The following CCDC57 variants were observed in gnomAD, a reference collection of about 807,000 sequenced individuals.
The protein encoded by CCDC57 is coiled-coil domain-containing protein 57.
In CCDC57, 118 loss-of-function variants were observed where a neutral mutation model predicts 118.9. The observed-to-expected ratio is 0.99, with a 90% CI of 0.86 to 1.16. CCDC57 has a LOEUF of 1.16. Ranked by LOEUF, CCDC57 falls within the 50% of genes most tolerant of loss-of-function variation. CCDC57 has a pLI of 0.00. For missense variants in CCDC57, 1,300 were observed against 1,320.7 expected (o/e 0.98, Z 0.24); for synonymous variants, 527 against 532.9 (o/e 0.99, Z 0.15).
At chr17:82,188,154 C>T (rs2047204859) in intron 8 of CCDC57, 65 bp downstream of exon 7, 2 of 1,411,022 alleles carry the variant, frequency 1.4e-6, no homozygotes, top group African/African-American at 1.4e-5. Context: ...ACCAGTGGGC[C>T]CAGGTCAGCA....
chr17:82,153,292 A>C (rs1259137083), intron 15 of CCDC57: 6 of 152,276 alleles, frequency 3.9e-5, no homozygotes, highest in Non-Finnish European at 8.8e-5. Context: ...TGGATCCTCT[A>C]CAGGAACACA....
At chr17:82,131,853 T>C (rs1002983707) in intron 17 of CCDC57, among the ~76,000 whole-genome samples, 4 of 151,842 alleles carry the variant, frequency 2.6e-5, no homozygotes, top group Non-Finnish European at 5.9e-5. Flanking sequence ...TTATTTCTTA[T>C]GCCTGTAATC....
In CCDC57 at chr17:82,131,416, G is replaced by A. The variant is rs1197799368; in HGVS notation, c.2577+2657C>T. Among the ~76,000 whole-genome samples, 3 of 151,674 alleles carry A rather than the reference G, an allele frequency of 2.0e-5. No homozygotes were observed. In the South Asian group the frequency reaches 6.2e-4, roughly 32 times the overall value. On this transcript the variant is annotated intron_variant, in intron 17 of 19. Transcript: ENST00000665763. ...ACTGCAGTCTAGCCTGGGCGACAAA[G>A]TGAGACTCCATCTCATAATGAATAA... is the stretch of plus-strand genomic sequence containing the variant.
intron 16 of CCDC57, among the ~76,000 whole-genome samples, chr17:82,149,442 C>T (rs1395239355): frequency 6.6e-6 from 1 of 152,088 alleles, no homozygotes; most frequent in Non-Finnish European, 1.5e-5. Context: ...GCCCAGCCTC[C>T]ACCTCAGTCA....
intron 16 of CCDC57, 109 bp downstream of exon 15, chr17:82,151,451 G>T (rs2042056554): frequency 1.1e-6 from 1 of 919,922 alleles, no homozygotes; most frequent in Non-Finnish European, 1.6e-6. Context: ...AGAACCTGGT[G>T]CACCCCCAGA....
chr17:82,172,596 C>A lies in CCDC57; in HGVS notation c.1729+42G>T, dbSNP rs369429720. On this transcript the variant is annotated intron_variant, in intron 12 of 19. Transcript: ENST00000665763. The surrounding 1 kb of genome is among the most constrained non-coding windows in gnomAD (Gnocchi z 5.2). ...CCGTCTGTCCTCCTCCCTCCCTCTCCCCCTTCCTCTCCCGCTCTGTCCGTT... is the reference window on the plus strand; with the variant it reads ...CCGTCTGTCCTCCTCCCTCCCTCTCACCCTTCCTCTCCCGCTCTGTCCGTT... 169 of 1,512,788 alleles carry A rather than the reference C, an allele frequency of 1.1e-4. 1 individual carries two copies. The highest frequency in any genetic ancestry group is 1.4e-4 in the Non-Finnish European group (155 of 1,113,788). The allele number at this position is 1,512,788 out of a possible 1,614,324, so 93.7% of individuals were successfully genotyped here.
rs1364959475 is a variant in CCDC57 at position 82,192,776 on chromosome 17, G to C, written c.851+980C>G. The stretch of plus-strand genomic sequence containing the variant: ...GAAAGCAGCTTCCCACTGCAGATCT[G>C]ATTAGAAACAGCACAGACAGTGTCC... On this transcript the variant is annotated intron_variant, in intron 7 of 19. Coordinates refer to ENST00000665763, the Ensembl canonical transcript of CCDC57. This position sits in a 1 kb window ranked among gnomAD's most constrained non-coding sequence, Gnocchi z 4.0. 1.3e-5 allele frequency among the ~76,000 whole-genome samples: 2 copies of C among 152,226 alleles called. No individual in the cohort carries two copies. Among genetic ancestry groups the C allele is most frequent in the Non-Finnish European group, 2.9e-5 (2 of 68,046 alleles).
chr17:82,109,531 A>G (rs114205285), intron 19 of CCDC57, among the ~76,000 whole-genome samples: 1,546 of 152,358 alleles, frequency 0.01, 24 homozygotes, highest in African/African-American at 0.036. Flanking sequence ...TAAACTGACT[A>G]ATGAAAAAGA....
chr17:82,183,730 C>CTATG (rs1455927215), intron 9 of CCDC57, 44 bp downstream of exon 8: 1 of 1,538,326 alleles, frequency 6.5e-7, no homozygotes, highest in African/African-American at 1.4e-5. Flanking sequence ...CAGCACCTGC[C>CTATG]CATAGGAGAC....
intron 13 of CCDC57, among the ~76,000 whole-genome samples, chr17:82,165,393 G>A (rs4789737): frequency 0.47 from 70,959 of 151,700 alleles, 17,406 homozygotes; most frequent in East Asian, 0.88. Context: ...GTGTCTAGGG[G>A]CCTCGGATCC....
chr17:82,126,413 T>C, intron 19 of CCDC57: 1 of 983,202 alleles, frequency 1.0e-6, no homozygotes, highest in Non-Finnish European at 1.2e-6. Context: ...AACATTTAAA[T>C]TGTTGTCACC....
At chr17:82,179,994 A>G (rs911623426) in intron 9 of CCDC57, among the ~76,000 whole-genome samples, 1 of 152,118 alleles carries the variant, frequency 6.6e-6, no homozygotes, top group African/African-American at 2.4e-5. Flanking sequence ...GTGACGGGGG[A>G]GAGGTCCCTC....
At chr17:82,205,014 A>G (rs936366641) in intron 2 of CCDC57, among the ~76,000 whole-genome samples, 2 of 152,214 alleles carry the variant, frequency 1.3e-5, no homozygotes, top group Non-Finnish European at 2.9e-5. Context: ...GCACAACGCC[A>G]TCACCCCAGT....
intron 1 of CCDC57, among the ~76,000 whole-genome samples, chr17:82,209,442 G>C (rs1374921007): frequency 6.6e-6 from 1 of 152,170 alleles, no homozygotes; most frequent in African/African-American, 2.4e-5. Flanking sequence ...AACCTAACTT[G>C]ATTACAAGTG....
intron 5 of CCDC57, 68 bp from the exon 5 acceptor site, chr17:82,194,207 T>A (rs1367780267): frequency 4.0e-6 from 6 of 1,491,282 alleles, no homozygotes; most frequent in Non-Finnish European, 5.5e-6. Flanking sequence ...TAGGGGTACA[T>A]ACTGCTGTTT....
chr17:82,150,999 G>A (rs1480456254), intron 16 of CCDC57, among the ~76,000 whole-genome samples: 24 of 79,124 alleles, frequency 3.0e-4, no homozygotes, highest in Non-Finnish European at 3.8e-4. Context: ...CCAGAACCAG[G>A]CACACACCCA....
intron 5 of CCDC57, among the ~76,000 whole-genome samples, chr17:82,194,623 T>C (rs1013782598): frequency 2.0e-5 from 3 of 152,138 alleles, no homozygotes. Flanking sequence ...ATTGACCCCC[T>C]GACAGCACTC....
intron 11 of CCDC57, among the ~76,000 whole-genome samples, chr17:82,173,541 T>G (rs980009939): frequency 6.6e-6 from 1 of 152,012 alleles, no homozygotes; most frequent in Non-Finnish European, 1.5e-5. Context: ...AGGCCAGACA[T>G]GTTACAAATG....
At chr17:82,194,766 G>C (rs2048100073) in intron 5 of CCDC57, among the ~76,000 whole-genome samples, 3 of 152,224 alleles carry the variant, frequency 2.0e-5, no homozygotes, top group Admixed American at 2.0e-4. Context: ...ACAAAGCCAG[G>C]GGTCTAGGAA....
Sources: gnomAD v4.1 joint callset for allele counts (sites outside exome capture counted in the v4.1 genomes callset) on GRCh38, gnomAD v4.1.1 for gene constraint, Gnocchi (gnomAD v3.1) non-coding constraint, MANE v1.5 for transcripts, NCBI Gene and HGNC (gene_info 2026-07-23, HGNC 2026-07-21) for gene names.